Variants in INVS observed in about 807,000 individuals in gnomAD.
INVS encodes inversion of embryo turning homolog.
A neutral mutation model predicts 108.8 loss-of-function variants in INVS; 86 were observed. That is an observed-to-expected ratio of 0.79 (90% CI 0.66 to 0.95). INVS has a LOEUF of 0.95. INVS is among the 40% of genes least tolerant of loss of function. INVS has a pLI of 0.00. For missense variants in INVS, 1,169 were observed against 1,297.4 expected, an observed-to-expected ratio of 0.90 and a Z score of 1.52; for synonymous variants, 455 against 473.5, an observed-to-expected ratio of 0.96 and a Z score of 0.51.
chr9:100,190,606 T>C (rs10117150), intron 3 of INVS, among the ~76,000 whole-genome samples: 46,160 of 152,072 alleles, frequency 0.3, 8,123 homozygotes, highest in Non-Finnish European at 0.41. Context: ...AAACTTTTTT[T>C]CTCCTTCATT....
At chr9:100,227,360 G>T (rs545390583) in intron 4 of INVS, among the ~76,000 whole-genome samples, 6 of 152,258 alleles carry the variant, frequency 3.9e-5, no homozygotes, top group African/African-American at 1.4e-4. Flanking sequence ...TGTGACAGAT[G>T]AGCTTGGTTC....
At chr9:100,117,848 G>T (rs1162018771) in intron 2 of INVS, among the ~76,000 whole-genome samples, 1 of 151,932 alleles carries the variant, frequency 6.6e-6, no homozygotes, top group African/African-American at 2.4e-5. Flanking sequence ...AGTCATGAGG[G>T]TTTAGCCCTC....
intron 3 of INVS, among the ~76,000 whole-genome samples, chr9:100,183,371 C>A (rs922066430): frequency 6.6e-6 from 1 of 152,138 alleles, no homozygotes; most frequent in African/African-American, 2.4e-5. Context: ...GTAAAATAAT[C>A]GCTTTAAAAT....
chr9:100,248,267 A>G (rs1443121460), intron 8 of INVS, among the ~76,000 whole-genome samples: 1 of 152,164 alleles, frequency 6.6e-6, no homozygotes, highest in Non-Finnish European at 1.5e-5. Context: ...TTTTTCAGGT[A>G]TTTGAATAAG....
Position 100,284,325 on chromosome 9 carries a change from G to T in INVS, c.1790G>T (p.Arg597Leu), listed in dbSNP as rs1291135236. The change falls in exon 13 of 17, where the codon CGA becomes CTA. Residue 597 changes from arginine (R) to leucine (L), a missense_variant. Arg to Leu is a moderately radical substitution (Grantham distance 102). Transcript: ENST00000262457. ...TTCTTTGGCTTTGCTTCCAGAAAGCGAGAGGAAGAAAACAAACGAAAAGAG... is the reference window on the plus strand; with the variant it reads ...TTCTTTGGCTTTGCTTCCAGAAAGCTAGAGGAAGAAAACAAACGAAAAGAG... ...QLRKDAAAKKREEENKRKEAE... is the reference protein window; with the variant it reads ...QLRKDAAAKKLEEENKRKEAE... 3.1e-6 allele frequency: 5 copies of T among 1,613,092 alleles called. No individual in the cohort carries two copies. The African/African-American group carries it at 6.7e-5, about 22-fold the overall frequency.
chr9:100,215,404 G>A (rs2118330480), intron 3 of INVS: 1 of 152,322 alleles, frequency 6.6e-6, no homozygotes, highest in South Asian at 2.1e-4. Context: ...TTCCCAGGAG[G>A]CTACAAGGAT....
intron 3 of INVS, among the ~76,000 whole-genome samples, chr9:100,147,877 C>A (rs562911589): frequency 1.3e-5 from 2 of 151,902 alleles, no homozygotes; most frequent in East Asian, 3.9e-4. Context: ...CTATAAATTG[C>A]TAAGAAAATT....
chr9:100,124,873 T>C (rs1212259253), intron 2 of INVS, among the ~76,000 whole-genome samples: 1 of 152,232 alleles, frequency 6.6e-6, no homozygotes, highest in Admixed American at 6.5e-5. Flanking sequence ...AATATCTTAC[T>C]TTAGTAAACG....
chr9:100,143,660 C>G (rs1209245983), intron 3 of INVS, among the ~76,000 whole-genome samples: 1 of 152,050 alleles, frequency 6.6e-6, no homozygotes, highest in South Asian at 2.1e-4. Context: ...GTTAAAGTGT[C>G]GGCCTAATAA....
At chr9:100,238,954 A>G (rs1386159528) in intron 5 of INVS, among the ~76,000 whole-genome samples, 1 of 152,244 alleles carries the variant, frequency 6.6e-6, no homozygotes, top group Admixed American at 6.5e-5. Context: ...GTCTTTCATA[A>G]CCATAAGGGA....
chr9:100,234,530 CT>C (rs1831616879), intron 5 of INVS, among the ~76,000 whole-genome samples: 1 of 152,204 alleles, frequency 6.6e-6, no homozygotes, highest in South Asian at 2.1e-4. Flanking sequence ...CTAACCACTG[CT>C]TTAGCTGTGT....
At chr9:100,253,357 T>C (rs1832304396) in intron 10 of INVS, among the ~76,000 whole-genome samples, 1 of 152,104 alleles carries the variant, frequency 6.6e-6, no homozygotes, top group Non-Finnish European at 1.5e-5. Context: ...TTATAACTTT[T>C]ATAAAAGATT....
intron 3 of INVS, among the ~76,000 whole-genome samples, chr9:100,147,142 A>G (rs1047129252): frequency 1.3e-5 from 2 of 152,246 alleles, no homozygotes; most frequent in African/African-American, 4.8e-5. Flanking sequence ...ACTCTGCCAC[A>G]AACTGTATAA....
chr9:100,264,775 C>A, intron 10 of INVS, 47 bp from the exon 11 acceptor site: 1 of 1,290,656 alleles, frequency 7.7e-7, no homozygotes, highest in Non-Finnish European at 1.1e-6. Flanking sequence ...ACCACATATC[C>A]AAAAATACTT....
chr9:100,123,870 A>G (rs1827799698), intron 2 of INVS, among the ~76,000 whole-genome samples: 1 of 152,122 alleles, frequency 6.6e-6, no homozygotes, highest in South Asian at 2.1e-4. Flanking sequence ...CAGTGGTGCA[A>G]TCTCAGCTCA....
chr9:100,210,132 C>T (rs970641956), intron 3 of INVS, among the ~76,000 whole-genome samples: 6 of 152,248 alleles, frequency 3.9e-5, no homozygotes, highest in South Asian at 2.1e-4. Flanking sequence ...TTCTTACTAC[C>T]GTGTGTCCTT....
At chr9:100,188,984 G>C (rs1013913484) in intron 3 of INVS, among the ~76,000 whole-genome samples, 31 of 151,992 alleles carry the variant, frequency 2.0e-4, no homozygotes, top group Non-Finnish European at 2.9e-5. Flanking sequence ...TGTGTGCATA[G>C]AGGTGTTCAC....
At chr9:100,197,685 A>G (rs1830418437) in intron 3 of INVS, among the ~76,000 whole-genome samples, 1 of 152,182 alleles carries the variant, frequency 6.6e-6, no homozygotes, top group Non-Finnish European at 1.5e-5. Context: ...TCTAATTGTA[A>G]TAGATTGAGG....
At chr9:100,274,973 G>A (rs1167300715) in intron 12 of INVS, among the ~76,000 whole-genome samples, 2 of 152,146 alleles carry the variant, frequency 1.3e-5, no homozygotes, top group Non-Finnish European at 2.9e-5. Flanking sequence ...TTAATGAGAA[G>A]TTAAATACCA....
Sources: allele counts gnomAD v4.1 joint callset (sites outside exome capture counted in the v4.1 genomes callset), GRCh38; gene constraint gnomAD v4.1.1; transcripts MANE v1.5; gene names NCBI Gene and HGNC (gene_info 2026-07-23, HGNC 2026-07-21).